The following CLK3 variants were observed in gnomAD, a reference collection of about 807,000 sequenced individuals.
CLK3 encodes the protein CDC like kinase 3, also known as dual specificity protein kinase CLK3.
CLK3 carries 24 observed loss-of-function variants against 65.2 expected under a neutral mutation model. The ratio of observed to expected loss-of-function variants is 0.37; its 90% CI spans 0.27 to 0.52. The LOEUF (loss-of-function observed/expected upper bound fraction) is 0.52, where lower values mean the gene tolerates loss of function less well. CLK3 is among the 20% of genes least tolerant of loss of function. The pLI is 0.92. For synonymous variants in CLK3, 252 were observed against 240.8 expected (o/e 1.05, Z -0.43); for missense variants, 506 against 660.0 (o/e 0.77, Z 2.56).
Position 74,622,311 on chromosome 15 carries a change from G to A in CLK3, c.466+95G>A. 2 of 1,246,012 alleles carry A rather than the reference G, an allele frequency of 1.6e-6. No homozygotes were observed. Among genetic ancestry groups the A allele is most frequent in the Non-Finnish European group, 1.1e-6 (1 of 873,630 alleles). The allele number at this position is 1,246,012 out of a possible 1,614,324, so 77.2% of individuals were successfully genotyped here. ...CCTGGAGGGGCCTCTAGTGCGCGTG[G>A]TGCCTTAGCGGGGCCACCAGTAATT... On this transcript the variant is annotated intron_variant, in intron 4 of 12. Coordinates refer to ENST00000395066, the MANE Select transcript of CLK3 (RefSeq NM_001130028.2). This position sits in a 1 kb window ranked among gnomAD's most constrained non-coding sequence, Gnocchi z 4.6.
upstream of CLK3, chr15:74,615,062 GATTT>G (rs2062040376): frequency 4.7e-6 from 1 of 211,280 alleles, no homozygotes. Context: ...AGGTGTCAGG[GATTT>G]TGGTGACCCC....
At chr15:74,610,005 C>T (rs2061967568) in intron 1 of CLK3, among the ~76,000 whole-genome samples, 1 of 152,260 alleles carries the variant, frequency 6.6e-6, no homozygotes, top group South Asian at 2.1e-4. Flanking sequence ...CCTCTCTTGG[C>T]TGGACTAAGC....
chr15:74,610,770 A>G (rs1297964193), intron 1 of CLK3, among the ~76,000 whole-genome samples: 1 of 152,232 alleles, frequency 6.6e-6, no homozygotes, highest in South Asian at 2.1e-4. Flanking sequence ...GCAGGCAGAC[A>G]TGAGGTTGTC....
At position 74,622,525 on chromosome 15, in the gene CLK3, C is replaced by T. The variant is rs1325391218; in HGVS notation, c.498C>T (p.Thr166=). The T allele has an allele frequency of 6.2e-7, 1 of 1,613,400 alleles. No homozygotes were observed. The highest frequency in any genetic ancestry group is 8.5e-7 in the Non-Finnish European group (1 of 1,179,754). ...TTGTGGGGAACCTGGGTGAAGGCAC[C>T]TTTGGCAAGGTGGTGGAGTGCTTGG... The part of the protein sequence containing the change: ...YEIVGNLGEG[T]FGKVVECLDH... The change falls in exon 5 of 13, where the codon ACC becomes ACT. Residue 166 remains threonine, a synonymous_variant. Transcript: ENST00000395066. The surrounding 1 kb of genome is among the most constrained non-coding windows in gnomAD (Gnocchi z 4.6).
intron 1 of CLK3, among the ~76,000 whole-genome samples, chr15:74,617,582 CTG>C: frequency 6.6e-6 from 1 of 152,344 alleles, no homozygotes; most frequent in South Asian, 2.1e-4. Context: ...CTATATGACT[CTG>C]AAATTTTGTT....
intron 7 of CLK3, chr15:74,626,867 C>T (rs961204516): frequency 2.3e-5 from 9 of 399,646 alleles, no homozygotes; most frequent in African/African-American, 4.1e-5. Flanking sequence ...GGGCTGTCTT[C>T]CTGGGTATGC....
chr15:74,615,416 C>G (rs902933673), upstream of CLK3: 4 of 1,262,580 alleles, frequency 3.2e-6, no homozygotes, highest in African/African-American at 6.2e-5. Flanking sequence ...GGCACACAGA[C>G]CTCAGGCCGC....
In CLK3 at chr15:74,620,128, A is replaced by G; in HGVS notation, c.272A>G (p.His91Arg). Residue 91 changes from histidine to arginine, a missense_variant, in exon 3 of 13, where the codon CAT becomes CGT. Coordinates refer to ENST00000395066, the MANE Select transcript of CLK3 (RefSeq NM_001130028.2). ...EDYYGPSRSR[H>R]RRRSRERGPY... ...TACTATGGACCTTCACGTTCTCGTC[A>G]TCGTCGGCGATCGCGGGAGAGGGGG... The G allele has an allele frequency of 6.2e-7, 1 of 1,614,128 alleles. No individual in the cohort carries two copies. The highest frequency in any genetic ancestry group is 8.5e-7 in the Non-Finnish European group (1 of 1,180,030).
chr15:74,629,236 C>T (rs1162379732), intron 12 of CLK3: 6 of 673,274 alleles, frequency 8.9e-6, no homozygotes, highest in Non-Finnish European at 1.6e-5. Flanking sequence ...ACCCCTTCCC[C>T]ATAGGGTGGC....
At position 74,624,902 on chromosome 15, in the gene CLK3, A is replaced by C. The variant is rs2062131798; in HGVS notation, c.534A>C (p.Arg178Ser). The C allele has an allele frequency of 1.9e-6, 3 of 1,601,866 alleles. No homozygotes were observed. The highest frequency in any genetic ancestry group is 2.6e-6 in the Non-Finnish European group (3 of 1,173,734). The change falls in exon 6 of 13, where the codon AGA becomes AGC. Residue 178 changes from arginine (R) to serine (S), a missense_variant and splice_region_variant. Physicochemically the swap from Arg to Ser is moderately radical, Grantham distance 110. Transcript: ENST00000395066. This position sits in a 1 kb window ranked among gnomAD's most constrained non-coding sequence, Gnocchi z 4.2. ...CCTCTGTTTCCTTCCCGGGTACCAG[A>C]GGGAAGTCTCAGGTTGCCCTGAAGA... ...GKVVECLDHARGKSQVALKII... is the reference protein window; with the variant it reads ...GKVVECLDHASGKSQVALKII...
Position 74,627,936 on chromosome 15 carries a change from G to A in CLK3, c.1043-34G>A, listed in dbSNP as rs768763284. On this transcript the variant is annotated intron_variant, in intron 9 of 12. Coordinates refer to ENST00000395066, the MANE Select transcript of CLK3 (RefSeq NM_001130028.2). This position sits in a 1 kb window ranked among gnomAD's most constrained non-coding sequence, Gnocchi z 4.3. The stretch of plus-strand genomic sequence containing the variant: ...ACTTCCAGGCTGGAAGCATAAGGCC[G>A]GATCTCACAGCCTCTCCCCATCTTG... The A allele has an allele frequency of 5.3e-5, 82 of 1,536,558 alleles. No individual in the cohort carries two copies. The highest frequency in any genetic ancestry group is 6.7e-5 in the East Asian group (3 of 44,496).
chr15:74,616,919 A>G (rs1227933209), intron 1 of CLK3, among the ~76,000 whole-genome samples: 1 of 152,228 alleles, frequency 6.6e-6, no homozygotes, highest in African/African-American at 2.4e-5. Flanking sequence ...CATTGTGCAG[A>G]GCAGAGCTTC....
chr15:74,629,447 A>G (rs2141555059), intron 12 of CLK3: 1 of 560,572 alleles, frequency 1.8e-6, no homozygotes, highest in East Asian at 3.1e-5. Context: ...ATCTCTACCC[A>G]CCTGTCAGGA....
upstream of CLK3, among the ~76,000 whole-genome samples, chr15:74,611,449 C>G (rs2061988575): frequency 1.3e-5 from 2 of 152,252 alleles, no homozygotes; most frequent in African/African-American, 4.8e-5. Context: ...AGCTTGTGCT[C>G]CCGCCTCTGC....
At chr15:74,615,264 G>A (rs1049042698), upstream of CLK3, 2 of 448,266 alleles carry the variant, frequency 4.5e-6, no homozygotes, top group African/African-American at 2.0e-5. Flanking sequence ...TAGCTCTAGG[G>A]TATCTTCCCA....
chr15:74,629,371 T>C, intron 12 of CLK3: 1 of 528,914 alleles, frequency 1.9e-6, no homozygotes, highest in Non-Finnish European at 3.4e-6. Context: ...AGGGAAGACC[T>C]AGACATGGCC....
At chr15:74,612,966 C>G (rs540861407), upstream of CLK3, among the ~76,000 whole-genome samples, 57 of 152,332 alleles carry the variant, frequency 3.7e-4, no homozygotes, top group Admixed American at 2.0e-3. Context: ...GAATGGAGTG[C>G]ACATGCAGGC....
intron 3 of CLK3, chr15:74,620,876 G>A (rs2062096335): frequency 6.5e-6 from 1 of 153,178 alleles, no homozygotes; most frequent in Non-Finnish European, 1.5e-5. Context: ...ATGGCAGAAA[G>A]GCTGCCGCCC....
chr15:74,622,011 C>CGGCTCCTCACCG lies in CLK3; in HGVS notation c.370-108_370-97dup, dbSNP rs2062107789. 1.0e-6 allele frequency: 1 copy of CGGCTCCTCACCG among 968,890 alleles called. No individual in the cohort carries two copies. 60.0% of individuals were successfully genotyped at this position (968,890 alleles called of 1,614,324 possible). On this transcript the variant is annotated intron_variant, in intron 3 of 12. Coordinates refer to ENST00000395066, the MANE Select transcript of CLK3 (RefSeq NM_001130028.2). The surrounding 1 kb of genome is among the most constrained non-coding windows in gnomAD (Gnocchi z 4.6). ...TGGAAAATCCAACCAACCAACCCAC[C>CGGCTCCTCACCG]GGCTCCTCACCGTCTCCACCTCTGC...
Sources: gnomAD v4.1 joint callset for allele counts (sites outside exome capture counted in the v4.1 genomes callset) on GRCh38, gnomAD v4.1.1 for gene constraint, Gnocchi (gnomAD v3.1) non-coding constraint, MANE v1.5 for transcripts, NCBI Gene and HGNC (gene_info 2026-07-23, HGNC 2026-07-21) for gene names.